Variants in IL1RL1 observed in about 807,000 individuals in gnomAD.
The protein encoded by IL1RL1 is interleukin-1 receptor-like 1.
Under a neutral mutation model 50.9 loss-of-function variants are expected in IL1RL1, and 32 were observed. The ratio of observed to expected loss-of-function variants is 0.63; its 90% CI spans 0.47 to 0.84. IL1RL1 has a LOEUF of 0.84. IL1RL1 is among the 40% of genes least tolerant of loss of function. The probability of loss-of-function intolerance (pLI) is 0.00; values close to 1 mark genes in which losing one functional copy is unlikely to be tolerated. For missense variants in IL1RL1, 773 were observed against 662.9 expected (o/e 1.17, Z -1.82); for synonymous variants, 275 against 236.0 (o/e 1.17, Z -1.51).
chr2:102,329,375 C>T (rs1006592187), intron 1 of IL1RL1, among the ~76,000 whole-genome samples: 1 of 152,222 alleles, frequency 6.6e-6, no homozygotes, highest in Non-Finnish European at 1.5e-5. Flanking sequence ...AGACCTAAAA[C>T]CATAAAAACC....
At position 102,348,051 on chromosome 2, in the gene IL1RL1, G is replaced by A. The variant is rs1350150077; in HGVS notation, c.1077G>A (p.Leu359=). Residue 359 remains leucine, a synonymous_variant, in exon 9 of 11, where the codon CTG becomes CTA. Coordinates refer to ENST00000233954, the MANE Select transcript of IL1RL1 (RefSeq NM_016232.5). ...ILKMFWIEAT[L]LWRDIAKPYK... is the part of the protein sequence containing the mutation. Reference sequence around the variant, plus strand: ...AAATGTTCTGGATTGAGGCCACTCTGCTCTGGAGAGACATAGCTAAACCTT... The same window carrying A: ...AAATGTTCTGGATTGAGGCCACTCTACTCTGGAGAGACATAGCTAAACCTT... 6 of 1,613,084 alleles carry A rather than the reference G, an allele frequency of 3.7e-6. No homozygotes were observed. Among genetic ancestry groups the A allele is most frequent in the Non-Finnish European group, 5.1e-6 (6 of 1,179,100 alleles).
intron 1 of IL1RL1, among the ~76,000 whole-genome samples, chr2:102,317,400 AC>A (rs1382205087): frequency 6.6e-6 from 1 of 152,160 alleles, no homozygotes; most frequent in Non-Finnish European, 1.5e-5. Context: ...CACTGTAATT[AC>A]CCTAACAATA....
At chr2:102,312,553 G>A (rs897922945) in intron 1 of IL1RL1, among the ~76,000 whole-genome samples, 10 of 152,006 alleles carry the variant, frequency 6.6e-5, no homozygotes, top group African/African-American at 2.4e-4. Context: ...CTACTCAGAT[G>A]GAGATGAAGG....
intron 1 of IL1RL1, among the ~76,000 whole-genome samples, chr2:102,337,801 T>A (rs918346196): frequency 1.3e-5 from 2 of 148,772 alleles, no homozygotes; most frequent in African/African-American, 5.2e-5. Flanking sequence ...AATTTTATGG[T>A]TTTTTTTTCA....
At position 102,339,980 on chromosome 2, in the gene IL1RL1, C is replaced by T. The variant is rs988983679; in HGVS notation, c.273-118C>T. 40 of 489,128 alleles carry T rather than the reference C, an allele frequency of 8.2e-5. 1 individual carries two copies. The highest frequency in any genetic ancestry group is 7.5e-4 in the African/African-American group (37 of 49,560). 30.3% of individuals were successfully genotyped at this position (489,128 alleles called of 1,614,324 possible). A position where few individuals can be genotyped will look rare whatever the true frequency, so the allele number is the denominator to read the frequency against. On this transcript the variant is annotated intron_variant, in intron 3 of 10. Coordinates refer to ENST00000233954, the MANE Select transcript of IL1RL1 (RefSeq NM_016232.5). Reference sequence around the variant, plus strand: ...TGTTTATTTTTAAATAATAAAATAACCATTATGTATATTGATGGTTTTTAA... The same window carrying T: ...TGTTTATTTTTAAATAATAAAATAATCATTATGTATATTGATGGTTTTTAA...
rs373664545 is a variant in IL1RL1 at position 102,343,336 on chromosome 2, A to T, written c.891A>T (p.Leu297Phe). 53 of 1,614,102 alleles carry T rather than the reference A, an allele frequency of 3.3e-5. No individual in the cohort carries two copies. The highest frequency in any genetic ancestry group is 1.8e-4 in the East Asian group (8 of 44,894). The change falls in exon 8 of 11, where the codon TTA becomes TTT. Residue 297 changes from leucine (L) to phenylalanine (F), a missense_variant. Leu to Phe is a conservative substitution (Grantham distance 22). Coordinates refer to ENST00000233954, the MANE Select transcript of IL1RL1 (RefSeq NM_016232.5). Reference protein sequence around the residue: ...LRIADVKEEDLLLQYDCLALN... With the variant: ...LRIADVKEEDFLLQYDCLALN... ...TAGCTGACGTGAAGGAAGAGGATTT[A>T]TTGCTGCAGTACGACTGTCTGGCCC...
At position 102,311,688 on chromosome 2, in the gene IL1RL1, C is replaced by T. The variant is rs545553912; in HGVS notation, c.-150+65C>T. On this transcript the variant is annotated intron_variant, in intron 1 of 10. Coordinates refer to ENST00000233954, the MANE Select transcript of IL1RL1 (RefSeq NM_016232.5). ...TCAAAGGGAACAAAATTTTCACATA[C>T]GAATTTAGGTCATTATAACAATAAT... 45 of 138,852 alleles carry T rather than the reference C, an allele frequency of 3.2e-4. No homozygotes were observed. In the South Asian group the frequency reaches 6.2e-3, roughly 19 times the overall value. 8.6% of individuals were successfully genotyped at this position (138,852 alleles called of 1,614,324 possible).
chr2:102,343,213 T>A lies in IL1RL1; in HGVS notation c.824+36T>A, dbSNP rs754210668. The stretch of plus-strand genomic sequence containing the variant: ...ATTGAAGAGAACCATCCTCTTCCCC[T>A]TGCACATGGTTTGCACCTGCAAAGT... On this transcript the variant is annotated intron_variant, in intron 7 of 10. Transcript: ENST00000233954. 3 of 1,613,948 alleles carry A rather than the reference T, an allele frequency of 1.9e-6. No homozygotes were observed. In the East Asian group the frequency reaches 6.7e-5, roughly 36 times the overall value.
chr2:102,313,167 A>G (rs1276007025), intron 1 of IL1RL1: 1 of 152,176 alleles, frequency 6.6e-6, no homozygotes, highest in Non-Finnish European at 1.5e-5. Flanking sequence ...TTTCTTGCTT[A>G]CAAAGAGGTG....
At chr2:102,324,928 G>C (rs893661042) in intron 1 of IL1RL1, among the ~76,000 whole-genome samples, 2 of 152,214 alleles carry the variant, frequency 1.3e-5, no homozygotes, top group African/African-American at 2.4e-5. Context: ...TCTGGGGGCA[G>C]GGCATAGCTA....
chr2:102,328,822 C>G (rs1356895440), intron 1 of IL1RL1, among the ~76,000 whole-genome samples: 1 of 152,132 alleles, frequency 6.6e-6, no homozygotes, highest in African/African-American at 2.4e-5. Flanking sequence ...CAAACCACTG[C>G]TCAATGAAAT....
rs1438444949 is a variant in IL1RL1, at chr2:102,340,073, T to C, written c.273-25T>C. 3.5e-6 allele frequency: 5 copies of C among 1,410,190 alleles called. No homozygotes were observed. In the South Asian group the frequency reaches 4.8e-5, roughly 13 times the overall value. 87.4% of individuals were successfully genotyped at this position (1,410,190 alleles called of 1,614,324 possible). On this transcript the variant is annotated intron_variant, in intron 3 of 10. Transcript: ENST00000233954. ...TATTTCACAATGCTAAGTGACTCTTTTAATTGTCTGACTTATTTTAACAGT... is the reference window on the plus strand; with the variant it reads ...TATTTCACAATGCTAAGTGACTCTTCTAATTGTCTGACTTATTTTAACAGT...
Position 102,311,901 on chromosome 2 carries a change from A to G in IL1RL1, c.-150+278A>G, listed in dbSNP as rs1676493217. Among the ~76,000 whole-genome samples, 3 of 55,798 alleles carry G rather than the reference A, an allele frequency of 5.4e-5. No individual in the cohort carries two copies. In the South Asian group the frequency reaches 1.1e-3, roughly 21 times the overall value. 36.6% of individuals were successfully genotyped at this position (55,798 alleles called of 152,430 possible). On this transcript the variant is annotated intron_variant, in intron 1 of 10. Coordinates refer to ENST00000233954, the MANE Select transcript of IL1RL1 (RefSeq NM_016232.5). ...TATAATATAATATATAATATATCATATATGTTATATATTTTATTATATAAT... is the reference window on the plus strand; with the variant it reads ...TATAATATAATATATAATATATCATGTATGTTATATATTTTATTATATAAT...
chr2:102,314,675 T>A (rs973457905), intron 1 of IL1RL1, among the ~76,000 whole-genome samples: 46 of 152,216 alleles, frequency 3.0e-4, no homozygotes, highest in Non-Finnish European at 2.8e-4. Context: ...GAGTGACAAC[T>A]ATCTGGTCTG....
chr2:102,343,469 G>A, intron 8 of IL1RL1, 54 bp downstream of exon 8: 1 of 1,613,854 alleles, frequency 6.2e-7, no homozygotes, highest in Non-Finnish European at 8.5e-7. Context: ...GCAAGTGTAA[G>A]CAGAATGGAG....
At chr2:102,346,155 T>C (rs191084417) in intron 8 of IL1RL1, 2 of 778,546 alleles carry the variant, frequency 2.6e-6, no homozygotes, top group East Asian at 2.5e-4. Context: ...ATTTCTTGAA[T>C]TTAAGAGAAC....
intron 5 of IL1RL1, among the ~76,000 whole-genome samples, chr2:102,341,997 G>A (rs760156490): frequency 7.2e-5 from 11 of 151,752 alleles, no homozygotes; most frequent in Non-Finnish European, 1.2e-4. Context: ...TGATATTAAA[G>A]AGCATCATAG....
intron 1 of IL1RL1, among the ~76,000 whole-genome samples, chr2:102,331,861 T>C (rs191907684): frequency 6.6e-6 from 1 of 152,196 alleles, no homozygotes; most frequent in Admixed American, 6.5e-5. Context: ...TGAGCCCAGA[T>C]GTTTGAGACC....
intron 1 of IL1RL1, among the ~76,000 whole-genome samples, chr2:102,331,421 T>C (rs1044298836): frequency 6.6e-6 from 1 of 152,250 alleles, no homozygotes; most frequent in Non-Finnish European, 1.5e-5. Flanking sequence ...ATATTAGTCT[T>C]GAAGGGATCT....
Sources: allele counts gnomAD v4.1 joint callset (sites outside exome capture counted in the v4.1 genomes callset), GRCh38; gene constraint gnomAD v4.1.1; transcripts MANE v1.5; gene names NCBI Gene and HGNC (gene_info 2026-07-23, HGNC 2026-07-21).